The following FANCE variants were observed in gnomAD, a reference collection of about 807,000 sequenced individuals.
FANCE encodes the protein FA complementation group E.
FANCE carries 42 observed loss-of-function variants against 57.8 expected under a neutral mutation model. The ratio of observed to expected loss-of-function variants is 0.73; its 90% confidence interval spans 0.57 to 0.94. FANCE has a LOEUF of 0.94. FANCE is among the 40% of genes least tolerant of loss of function. The probability of loss-of-function intolerance (pLI) is 0.00; values close to 1 mark genes in which losing one functional copy is unlikely to be tolerated. For synonymous variants in FANCE, 251 were observed against 286.4 expected (o/e 0.88, Z 1.25); for missense variants, 608 against 661.8 (o/e 0.92, Z 0.89).
At chr6:35,458,855 A>C (rs935855171) in intron 5 of FANCE, among the ~76,000 whole-genome samples, 1 of 152,062 alleles carries the variant, frequency 6.6e-6, no homozygotes, top group African/African-American at 2.4e-5. Flanking sequence ...ATCTTGGCTC[A>C]CTGCGACCTC....
At position 35,453,343 on chromosome 6, in the gene FANCE, G is replaced by A. The variant is rs1213900437; in HGVS notation, c.248+550G>A. Reference sequence around the variant, plus strand: ...TTTTAACCTCTCTGTGGCTGACGAAGGATTCCTACTAGGAGCAGAGGTGTC... The same window carrying A: ...TTTTAACCTCTCTGTGGCTGACGAAAGATTCCTACTAGGAGCAGAGGTGTC... On this transcript the variant is annotated intron_variant, in intron 1 of 9. Transcript: ENST00000229769. Among the ~76,000 whole-genome samples the A allele has an allele frequency of 3.3e-5, 5 of 152,058 alleles. No homozygotes were observed. In the East Asian group the frequency reaches 9.6e-4, roughly 29 times the overall value.
Position 35,463,663 on chromosome 6 carries a change from C to CT in FANCE, c.1509+765dup, listed in dbSNP as rs756174501. Among the ~76,000 whole-genome samples the CT allele has an allele frequency of 1.1e-3, 149 of 136,322 alleles. 1 individual carries two copies. Among genetic ancestry groups the CT allele is most frequent in the Middle Eastern group, 3.7e-3 (1 of 268 alleles). 89.4% of individuals were successfully genotyped at this position (136,322 alleles called of 152,430 possible). On this transcript the variant is annotated intron_variant, in intron 9 of 9. Coordinates refer to ENST00000229769, the MANE Select transcript of FANCE (RefSeq NM_021922.3). ...TTGGGAATTGGGACGGGCTTCCTGACTTTTTTTTTTTTTTTTGAGTCGGAG... is the reference window on the plus strand; with the variant it reads ...TTGGGAATTGGGACGGGCTTCCTGACTTTTTTTTTTTTTTTTTGAGTCGGAG...
chr6:35,455,692 C>T, intron 1 of FANCE, 55 bp from the exon 2 acceptor site: 1 of 1,605,530 alleles, frequency 6.2e-7, no homozygotes, highest in African/African-American at 1.3e-5. Context: ...GCCCAGTCTG[C>T]CTTGTGCTCC....
intron 6 of FANCE, 82 bp from the exon 7 acceptor site, chr6:35,459,600 G>A: frequency 1.3e-6 from 2 of 1,568,792 alleles, no homozygotes; most frequent in Admixed American, 1.7e-5. Flanking sequence ...TAACAGGCTG[G>A]GCATTCTGTT....
rs1455810808 is a variant in FANCE at position 35,458,130 on chromosome 6, T to G, written c.969+146T>G. On this transcript the variant is annotated intron_variant, in intron 4 of 9. Transcript: ENST00000229769. The stretch of plus-strand genomic sequence containing the variant: ...TCTCAGCGATAGGGGTCACCCTGTG[T>G]AGTATCTTTTAGCCCTTGGTTCCTT... The G allele has an allele frequency of 2.5e-6, 3 of 1,195,632 alleles. No homozygotes were observed. In the East Asian group the frequency reaches 7.1e-5, roughly 28 times the overall value. 74.1% of individuals were successfully genotyped at this position (1,195,632 alleles called of 1,614,324 possible).
intron 8 of FANCE, among the ~76,000 whole-genome samples, chr6:35,460,931 T>G (rs1767564607): frequency 6.6e-6 from 1 of 152,206 alleles, no homozygotes; most frequent in African/African-American, 2.4e-5. Flanking sequence ...AATTTTTTTT[T>G]TTTTTTAGAT....
Position 35,455,763 on chromosome 6 carries a change from C to G in FANCE, c.265C>G (p.Arg89Gly). The stretch of plus-strand genomic sequence containing the variant: ...GCTACCCAGGAAACCACTGTTGCTG[C>G]GATTGCCCCGGATATGCCAGAGGAA... ...GRLELKPLLL[R>G]LPRICQRNLM... Residue 89 changes from arginine to glycine, a missense_variant, in exon 2 of 10, where the codon CGA becomes GGA. Arg to Gly is a moderately radical substitution (Grantham distance 125, BLOSUM62 -2). Transcript: ENST00000229769. The G allele has an allele frequency of 6.2e-7, 1 of 1,614,068 alleles. No individual in the cohort carries two copies. Among genetic ancestry groups the G allele is most frequent in the South Asian group, 1.1e-5 (1 of 91,084 alleles).
chr6:35,457,411 G>A lies in FANCE; in HGVS notation c.856-145G>A, dbSNP rs768224463. 1.1e-4 allele frequency: 92 copies of A among 810,874 alleles called. No homozygotes were observed. The Middle Eastern group carries it at 1.7e-3, about 15-fold the overall frequency. The allele number at this position is 810,874 out of a possible 1,614,324, so 50.2% of individuals were successfully genotyped here. ...TCCCAAAGTGCTGGTGTGAGCCACCGCGCTTGGCCTCTTGACTTTCTTGAA... is the reference window on the plus strand; with the variant it reads ...TCCCAAAGTGCTGGTGTGAGCCACCACGCTTGGCCTCTTGACTTTCTTGAA... On this transcript the variant is annotated intron_variant, in intron 2 of 9. Coordinates refer to ENST00000229769, the MANE Select transcript of FANCE (RefSeq NM_021922.3).
rs373159305 is a variant in FANCE, at chr6:35,455,811, G to C, written c.313G>C (p.Val105Leu). Residue 105 changes from valine (V) to leucine (L), a missense_variant, in exon 2 of 10, where the codon GTT (valine) becomes CTT (leucine). Val to Leu is a conservative substitution (Grantham distance 32, BLOSUM62 1). Coordinates refer to ENST00000229769, the MANE Select transcript of FANCE (RefSeq NM_021922.3). The part of the protein sequence containing the change: ...QRNLMSLLMA[V>L]RPSLPESGLL... ...GAACCTGATGTCCCTGCTGATGGCC[G>C]TTCGGCCATCGCTGCCGGAAAGTGG... 26 of 1,614,030 alleles carry C rather than the reference G, an allele frequency of 1.6e-5. No homozygotes were observed. In the South Asian group the frequency reaches 2.6e-4, roughly 16 times the overall value.
Position 35,457,992 on chromosome 6 carries a change from C to CA in FANCE, c.969+9dup. On this transcript the variant is annotated intron_variant, in intron 4 of 9. Coordinates refer to ENST00000229769, the MANE Select transcript of FANCE (RefSeq NM_021922.3). ...GAATGTAGTCCCAGCCAGGTGAGTC[C>CA]AGATGACTGCCTGGCTCTGAGGTTA... 1 of 1,611,310 alleles carries CA rather than the reference C, an allele frequency of 6.2e-7. No homozygotes were observed. The highest frequency in any genetic ancestry group is 8.5e-7 in the Non-Finnish European group (1 of 1,177,406).
intron 9 of FANCE, among the ~76,000 whole-genome samples, chr6:35,464,795 C>CAA (rs1767760381): frequency 1.5e-5 from 2 of 137,684 alleles, no homozygotes; most frequent in Non-Finnish European, 1.5e-5. Flanking sequence ...TGCAGTGCTG[C>CAA]GATCTCGGCT....
intron 7 of FANCE, among the ~76,000 whole-genome samples, chr6:35,460,016 C>T (rs1767520940): frequency 6.6e-6 from 1 of 151,346 alleles, no homozygotes; most frequent in African/African-American, 2.4e-5. Flanking sequence ...TCCTGGGGCT[C>T]TTGAGGTTGT....
rs1382393829 is a variant in FANCE at position 35,452,724 on chromosome 6, G to A, written c.179G>A (p.Trp60Ter). The A allele has an allele frequency of 2.4e-6, 3 of 1,248,854 alleles. No homozygotes were observed. The highest frequency in any genetic ancestry group is 3.0e-6 in the Non-Finnish European group (3 of 996,012). 77.4% of individuals were successfully genotyped at this position (1,248,854 alleles called of 1,614,324 possible). A position where few individuals can be genotyped will look rare whatever the true frequency, so the allele number is the denominator to read the frequency against. ...LGSRGWEPFDWGRLLEALCRE... is the reference protein window; with the variant it reads ...LGSRGWEPFD ...AGCCGCGGCTGGGAGCCCTTCGACTGGGGTCGCTTGCTCGAGGCCCTGTGC... is the reference window on the plus strand; with the variant it reads ...AGCCGCGGCTGGGAGCCCTTCGACTAGGGTCGCTTGCTCGAGGCCCTGTGC... The change falls in exon 1 of 10, where the codon TGG becomes TAG. Residue 60 changes from tryptophan (W) to a stop codon, truncating the protein, a stop_gained. Transcript: ENST00000229769. LOFTEE classifies it high-confidence loss of function.
intron 5 of FANCE, among the ~76,000 whole-genome samples, chr6:35,459,001 G>A (rs1767476690): frequency 6.6e-6 from 1 of 152,048 alleles, no homozygotes; most frequent in African/African-American, 2.4e-5. Flanking sequence ...GGCTGGTCTC[G>A]AACTCCTGGC....
At chr6:35,452,868 GA>G in intron 1 of FANCE, 75 bp downstream of exon 1, 1 of 1,242,552 alleles carries the variant, frequency 8.0e-7, no homozygotes, top group South Asian at 2.9e-5. Flanking sequence ...ACACAGAGGT[GA>G]AATAAGCCCC....
At chr6:35,460,435 G>T (rs1182687001) in intron 7 of FANCE, 117 bp from the exon 8 acceptor site, 8 of 1,006,936 alleles carry the variant, frequency 7.9e-6, no homozygotes, top group Non-Finnish European at 1.2e-5. Flanking sequence ...CCCTTTGTTG[G>T]CTGGGGATCT....
In FANCE at chr6:35,456,068, G is replaced by A. The variant is rs768366863; in HGVS notation, c.570G>A (p.Glu190=). The part of the protein sequence containing the change: ...SPQAPDPEEE[E]NRDSQQPGKR... ...AGGCTCCAGACCCTGAAGAAGAGGAGAACAGGGACTCCCAGCAGCCTGGGA... is the reference window on the plus strand; with the variant it reads ...AGGCTCCAGACCCTGAAGAAGAGGAAAACAGGGACTCCCAGCAGCCTGGGA... The change falls in exon 2 of 10, where the codon GAG becomes GAA. Residue 190 remains glutamate, a synonymous_variant. Coordinates refer to ENST00000229769, the MANE Select transcript of FANCE (RefSeq NM_021922.3). The surrounding 1 kb of genome is among the most constrained non-coding windows in gnomAD (Gnocchi z 4.3). The A allele has an allele frequency of 2.5e-6, 4 of 1,613,756 alleles. No individual in the cohort carries two copies. The South Asian group carries it at 3.3e-5, about 13-fold the overall frequency.
intron 1 of FANCE, 103 bp from the exon 2 acceptor site, chr6:35,455,644 A>G (rs1003906615): frequency 1.4e-6 from 2 of 1,394,310 alleles, no homozygotes; most frequent in Non-Finnish European, 2.0e-6. Flanking sequence ...ACTGCGTGCC[A>G]GCCCCCATCT....
In FANCE at chr6:35,459,432, T is replaced by TC; in HGVS notation, c.1215_1216insC (p.Val406ArgfsTer62). The stretch of plus-strand genomic sequence containing the variant: ...CTGTCTGCAGCGCCCTCCTTGACCC[T>TC]GTGCTCCAGGCCCCAGGCACAGGTA... On this transcript the variant is annotated frameshift_variant, in exon 6 of 10. Transcript: ENST00000229769. LOFTEE classifies it high-confidence loss of function. The TC allele has an allele frequency of 3.1e-6, 5 of 1,614,144 alleles. No individual in the cohort carries two copies. The highest frequency in any genetic ancestry group is 4.2e-6 in the Non-Finnish European group (5 of 1,180,020).
Sources: allele counts gnomAD v4.1 joint callset (sites outside exome capture counted in the v4.1 genomes callset), GRCh38; gene constraint gnomAD v4.1.1; non-coding constraint Gnocchi (gnomAD v3.1); transcripts MANE v1.5; gene names NCBI Gene and HGNC (gene_info 2026-07-23, HGNC 2026-07-21).